EBF1: variants seen among roughly 807,000 people sequenced by gnomAD.
EBF1 encodes transcription factor COE1.
A neutral mutation model predicts 68.4 loss-of-function variants in EBF1; 10 were observed. The ratio of observed to expected loss-of-function variants is 0.15; its 90% CI spans 0.09 to 0.25. The LOEUF (loss-of-function observed/expected upper bound fraction) is 0.25, where lower values mean the gene tolerates loss of function less well. Ranked by LOEUF, EBF1 falls within the 10% of genes least tolerant of loss-of-function variation. EBF1 has a pLI of 1.00. For missense variants in EBF1, 509 were observed against 794.4 expected (o/e 0.64, Z 4.32); for synonymous variants, 298 against 299.8 (o/e 0.99, Z 0.06).
intron 8 of EBF1, among the ~76,000 whole-genome samples, chr5:158,799,376 T>A (rs1358780203): frequency 6.6e-6 from 1 of 152,102 alleles, no homozygotes; most frequent in Non-Finnish European, 1.5e-5. Context: ...GAGCTATGAC[T>A]GCACCACTGT....
At chr5:158,704,530 T>A (rs1321917946) in intron 15 of EBF1, among the ~76,000 whole-genome samples, 1 of 152,156 alleles carries the variant, frequency 6.6e-6, no homozygotes, top group African/African-American at 2.4e-5. Context: ...TGGGTCCCAA[T>A]GAAGTAGGTG....
At chr5:158,766,024 T>C (rs1241439976) in intron 10 of EBF1, among the ~76,000 whole-genome samples, 1 of 152,208 alleles carries the variant, frequency 6.6e-6, no homozygotes, top group African/African-American at 2.4e-5. Flanking sequence ...GCTTTCTCAA[T>C]TATGTTACTT....
intron 6 of EBF1, among the ~76,000 whole-genome samples, chr5:158,873,926 A>G (rs1034207768): frequency 6.6e-6 from 1 of 152,196 alleles, no homozygotes; most frequent in Non-Finnish European, 1.5e-5. Context: ...CGAGTTGGCT[A>G]ATATAGGTAT....
intron 10 of EBF1, among the ~76,000 whole-genome samples, chr5:158,750,776 C>T (rs973689192): frequency 6.6e-6 from 1 of 151,020 alleles, no homozygotes; most frequent in Non-Finnish European, 1.5e-5. Context: ...AAAAAAAAAT[C>T]ATTTAGGGCA....
intron 11 of EBF1, among the ~76,000 whole-genome samples, chr5:158,722,076 G>A (rs1278686776): frequency 6.6e-6 from 1 of 152,116 alleles, no homozygotes; most frequent in Non-Finnish European, 1.5e-5. Flanking sequence ...CCTCTGGCGG[G>A]ATCTTCTTAT....
intron 4 of EBF1, among the ~76,000 whole-genome samples, chr5:159,091,705 T>A (rs1434051503): frequency 4.6e-5 from 7 of 152,196 alleles, no homozygotes; most frequent in Admixed American, 4.6e-4. Flanking sequence ...TACACTTGCA[T>A]CAATACCTTA....
At chr5:158,913,651 G>A (rs936904495) in intron 6 of EBF1, among the ~76,000 whole-genome samples, 1 of 152,184 alleles carries the variant, frequency 6.6e-6, no homozygotes, top group South Asian at 2.1e-4. Flanking sequence ...GAGGGCAGTG[G>A]AAAGGGCCCT....
rs151196044 is a variant in EBF1 at position 158,933,107 on chromosome 5, G to A, written c.555-92997C>T. Reference sequence around the variant, plus strand: ...TTTTTAATTTTTTTCTTCCTAATCAGTGAGAAACTGTCAATACATACATAC... The same window carrying A: ...TTTTTAATTTTTTTCTTCCTAATCAATGAGAAACTGTCAATACATACATAC... On this transcript the variant is annotated intron_variant, in intron 6 of 15. Coordinates refer to ENST00000313708, the MANE Select transcript of EBF1 (RefSeq NM_024007.5). Among the ~76,000 whole-genome samples the A allele has an allele frequency of 2.9e-4, 44 of 151,848 alleles. No homozygotes were observed. The East Asian group carries it at 8.5e-3, about 29-fold the overall frequency.
At chr5:159,033,525 A>AAAAGTT (rs1228900553) in intron 6 of EBF1, among the ~76,000 whole-genome samples, 1 of 152,364 alleles carries the variant, frequency 6.6e-6, no homozygotes, top group Admixed American at 6.5e-5. Context: ...CACAAAAGTT[A>AAAAGTT]AAACGTCTTT....
intron 6 of EBF1, among the ~76,000 whole-genome samples, chr5:158,909,735 G>A (rs932020734): frequency 1.3e-5 from 2 of 151,924 alleles, no homozygotes; most frequent in Non-Finnish European, 2.9e-5. Flanking sequence ...TCAGGAGATC[G>A]AGACCATCCT....
intron 10 of EBF1, among the ~76,000 whole-genome samples, chr5:158,760,164 T>C (rs1771094271): frequency 6.6e-6 from 1 of 152,200 alleles, no homozygotes; most frequent in Non-Finnish European, 1.5e-5. Context: ...ACTTATGAAC[T>C]TGAATTTCAA....
chr5:158,988,994 G>A lies in EBF1; in HGVS notation c.554+84402C>T, dbSNP rs549138142. ...TTGGCAGCCACTGGTCTTGCCCACC[G>A]CAGGCTTAGGCCCTCTTCTCTGCCC... is the stretch of plus-strand genomic sequence containing the variant. On this transcript the variant is annotated intron_variant, in intron 6 of 15. Coordinates refer to ENST00000313708, the MANE Select transcript of EBF1 (RefSeq NM_024007.5). 1.1e-4 allele frequency among the ~76,000 whole-genome samples: 17 copies of A among 152,106 alleles called. No homozygotes were observed. In the South Asian group the frequency reaches 1.9e-3, roughly 17 times the overall value.
At chr5:158,976,652 T>C (rs1363459807) in intron 6 of EBF1, among the ~76,000 whole-genome samples, 1 of 152,224 alleles carries the variant, frequency 6.6e-6, no homozygotes, top group Non-Finnish European at 1.5e-5. Context: ...ATTTCTTTTA[T>C]GTTAGAATAA....
chr5:159,073,722 G>A, intron 5 of EBF1: 1 of 500,800 alleles, frequency 2.0e-6, no homozygotes, highest in South Asian at 2.6e-5. Context: ...ACCCCAAGAT[G>A]GGGTCTCCCC....
At chr5:158,731,260 ACTGAT>A in intron 10 of EBF1, 103 bp from the exon 11 acceptor site, 2 of 1,059,200 alleles carry the variant, frequency 1.9e-6, no homozygotes, top group Non-Finnish European at 2.8e-6. Flanking sequence ...CCAAAGTTTA[ACTGAT>A]ACTTTTGAAT....
At chr5:158,922,740 A>G (rs1808712263) in intron 6 of EBF1, among the ~76,000 whole-genome samples, 1 of 152,236 alleles carries the variant, frequency 6.6e-6, no homozygotes, top group African/African-American at 2.4e-5. Context: ...CTTATGTTTA[A>G]TGTGCATTTT....
intron 6 of EBF1, among the ~76,000 whole-genome samples, chr5:158,935,220 A>T (rs1017959283): frequency 2.6e-5 from 4 of 152,198 alleles, no homozygotes; most frequent in African/African-American, 9.6e-5. Context: ...AGAAGATGAG[A>T]ACAAGGCGTT....
chr5:158,797,216 T>C (rs1207632037), intron 8 of EBF1, among the ~76,000 whole-genome samples: 4 of 152,190 alleles, frequency 2.6e-5, no homozygotes, highest in African/African-American at 9.6e-5. Flanking sequence ...TAAATGGCCC[T>C]TGGAGATGGG....
chr5:158,944,292 C>A lies in EBF1; in HGVS notation c.555-104182G>T, dbSNP rs541504968. ...GCCCATATATTCTCATTGTTCAACT[C>A]CCAAGTATGAGTGAGAACATGCAGT... On this transcript the variant is annotated intron_variant, in intron 6 of 15. Transcript: ENST00000313708. Among the ~76,000 whole-genome samples the A allele has an allele frequency of 5.3e-5, 8 of 152,248 alleles. No homozygotes were observed. The South Asian group carries it at 1.7e-3, about 32-fold the overall frequency.
Sources: gnomAD v4.1 joint callset for allele counts (sites outside exome capture counted in the v4.1 genomes callset) on GRCh38, gnomAD v4.1.1 for gene constraint, MANE v1.5 for transcripts, NCBI Gene and HGNC (gene_info 2026-07-23, HGNC 2026-07-21) for gene names.